The following PCDHGB3 variants were observed in gnomAD, a reference collection of about 807,000 sequenced individuals.
The protein encoded by PCDHGB3 is protocadherin gamma-B3.
A neutral mutation model predicts 59.2 loss-of-function variants in PCDHGB3; 40 were observed. That is an observed-to-expected ratio of 0.68 (90% CI 0.52 to 0.88). The LOEUF (loss-of-function observed/expected upper bound fraction) is 0.88, where lower values mean the gene tolerates loss of function less well. PCDHGB3 is among the 40% of genes least tolerant of loss of function. PCDHGB3 has a pLI of 0.00. For missense variants in PCDHGB3, 1,309 were observed against 1,187.9 expected (o/e 1.10, Z -1.50); for synonymous variants, 581 against 503.6 (o/e 1.15, Z -2.06).
intron 1 of PCDHGB3, among the ~76,000 whole-genome samples, chr5:141,448,117 A>G (rs564444141): frequency 6.6e-6 from 1 of 152,094 alleles, no homozygotes; most frequent in Non-Finnish European, 1.5e-5. Flanking sequence ...AAAGAAAATT[A>G]GCCTCCCCCA....
chr5:141,477,951 G>T lies in PCDHGB3; in HGVS notation c.2416-16856G>T. 3 of 1,614,120 alleles carry T rather than the reference G, an allele frequency of 1.9e-6. No homozygotes were observed. The highest frequency in any genetic ancestry group is 2.5e-6 in the Non-Finnish European group (3 of 1,180,024). Reference sequence around the variant, plus strand: ...GCCTGGCTCTCCTACAGTCTCTTGGGATCCCCTAACCAGAGCCTTTTTGCC... The same window carrying T: ...GCCTGGCTCTCCTACAGTCTCTTGGTATCCCCTAACCAGAGCCTTTTTGCC... On this transcript the variant is annotated intron_variant, in intron 1 of 3. Transcript: ENST00000576222. The surrounding 1 kb of genome is among the most constrained non-coding windows in gnomAD (Gnocchi z 4.9).
At chr5:141,410,117 C>T (rs768592770) in intron 1 of PCDHGB3, 6 of 1,612,766 alleles carry the variant, frequency 3.7e-6, no homozygotes, top group Admixed American at 3.3e-5. Context: ...GGACGCAGCC[C>T]GCCAGCGCCT....
chr5:141,403,343 C>T (rs774711306), intron 1 of PCDHGB3: 10 of 1,614,000 alleles, frequency 6.2e-6, no homozygotes, highest in Admixed American at 1.7e-5. Context: ...CGACAGCGCC[C>T]CAAAGTTCCA....
intron 1 of PCDHGB3, among the ~76,000 whole-genome samples, chr5:141,446,448 T>C (rs954515926): frequency 2.6e-5 from 4 of 152,028 alleles, no homozygotes; most frequent in Non-Finnish European, 5.9e-5. Context: ...ACAGTGCAGA[T>C]ATTCAGTGTG....
intron 1 of PCDHGB3, among the ~76,000 whole-genome samples, chr5:141,445,553 A>T (rs948468877): frequency 1.3e-5 from 2 of 152,252 alleles, no homozygotes; most frequent in Non-Finnish European, 1.5e-5. Context: ...ATACAAAAGC[A>T]CTAAGAGAAA....
chr5:141,419,890 C>T (rs775698934), intron 1 of PCDHGB3: 3 of 1,614,102 alleles, frequency 1.9e-6, no homozygotes, highest in Non-Finnish European at 2.5e-6. Flanking sequence ...ATTTCAGCGA[C>T]CATCCCACAC....
intron 1 of PCDHGB3, among the ~76,000 whole-genome samples, chr5:141,438,921 C>T (rs1204218608): frequency 6.6e-6 from 1 of 151,970 alleles, no homozygotes; most frequent in Non-Finnish European, 1.5e-5. Context: ...CTGCCTTGGC[C>T]TCCCAAAGTG....
intron 1 of PCDHGB3, among the ~76,000 whole-genome samples, chr5:141,456,877 C>T (rs910777736): frequency 2.0e-5 from 3 of 152,202 alleles, no homozygotes; most frequent in South Asian, 2.1e-4. Context: ...GCAGGAGAAT[C>T]GCTTGAACCC....
chr5:141,395,511 T>G, intron 1 of PCDHGB3: 3 of 425,438 alleles, frequency 7.1e-6, no homozygotes, highest in Non-Finnish European at 1.3e-5. Context: ...AAGAAGTAGC[T>G]ACCCGTCCAT....
chr5:141,375,973 C>A (rs577451422), intron 1 of PCDHGB3: 742 of 1,613,246 alleles, frequency 4.6e-4, no homozygotes, highest in Middle Eastern at 1.7e-3. Context: ...GCACGGCGCG[C>A]GCCCTGCTGG....
intron 1 of PCDHGB3, among the ~76,000 whole-genome samples, chr5:141,457,900 A>C (rs2098931922): frequency 6.7e-6 from 1 of 149,818 alleles, no homozygotes; most frequent in Admixed American, 6.6e-5. Context: ...CTGTGTAGAC[A>C]AGGTGTGAGG....
intron 1 of PCDHGB3, among the ~76,000 whole-genome samples, chr5:141,457,477 C>A (rs964080100): frequency 2.0e-5 from 3 of 152,134 alleles, no homozygotes; most frequent in African/African-American, 7.2e-5. Context: ...TAAGCAGGGC[C>A]AGGGTTAGTC....
intron 1 of PCDHGB3, among the ~76,000 whole-genome samples, chr5:141,459,098 A>G (rs993134478): frequency 2.0e-5 from 3 of 152,206 alleles, no homozygotes; most frequent in African/African-American, 7.2e-5. Flanking sequence ...ATACAGTGCA[A>G]TGCATTTTGA....
At chr5:141,414,400 G>C (rs768269499) in intron 1 of PCDHGB3, 1 of 1,613,878 alleles carries the variant, frequency 6.2e-7, no homozygotes, top group Admixed American at 1.7e-5. Context: ...TTACAGATTG[G>C]TGATACACAG....
chr5:141,436,902 G>A (rs2097852984), intron 1 of PCDHGB3, among the ~76,000 whole-genome samples: 1 of 152,210 alleles, frequency 6.6e-6, no homozygotes, highest in Admixed American at 6.5e-5. Flanking sequence ...TTTTATATGA[G>A]ACAATTTTGT....
chr5:141,482,767 A>AGCTAGTACTATAATTATTTTTATTAGTTC (rs1370824281), intron 1 of PCDHGB3, among the ~76,000 whole-genome samples: 2 of 150,588 alleles, frequency 1.3e-5, no homozygotes, highest in African/African-American at 2.5e-5. Context: ...TTTCATTATC[A>AGCTAGTACTATAATTATTTTTATTAGTTC]CTGAACCTTA....
At chr5:141,383,621 T>C (rs1392247611) in intron 1 of PCDHGB3, 1 of 1,613,762 alleles carries the variant, frequency 6.2e-7, no homozygotes, top group Admixed American at 1.7e-5. Flanking sequence ...CACACGCCTG[T>C]CTTCTCTCTG....
intron 1 of PCDHGB3, chr5:141,419,102 A>G (rs201327680): frequency 4.5e-5 from 73 of 1,613,748 alleles, no homozygotes; most frequent in Non-Finnish European, 5.9e-5. Flanking sequence ...TCGGGAGCAG[A>G]CCCCAGAGTA....
At chr5:141,510,322 A>G (rs62379243) in intron 3 of PCDHGB3, among the ~76,000 whole-genome samples, 36,300 of 150,290 alleles carry the variant, frequency 0.24, 4,456 homozygotes, top group Admixed American at 0.32. Flanking sequence ...TTGGAAGAGC[A>G]CTCTTCACCC....
Sources: gnomAD v4.1 joint callset for allele counts (sites outside exome capture counted in the v4.1 genomes callset) on GRCh38, gnomAD v4.1.1 for gene constraint, Gnocchi (gnomAD v3.1) non-coding constraint, MANE v1.5 for transcripts, NCBI Gene and HGNC (gene_info 2026-07-23, HGNC 2026-07-21) for gene names.